The following ADAM22 variants were observed in gnomAD, a reference collection of about 807,000 sequenced individuals.
ADAM22 encodes the protein disintegrin and metalloproteinase domain-containing protein 22.
In ADAM22, 65 loss-of-function variants were observed where a neutral mutation model predicts 144.6. The ratio of observed to expected loss-of-function variants is 0.45; its 90% CI spans 0.37 to 0.55. The LOEUF (loss-of-function observed/expected upper bound fraction) is 0.55. Among genes scored for constraint, ADAM22 ranks in the 20% least tolerant of loss-of-function variants. The pLI, the probability that ADAM22 is intolerant of heterozygous loss-of-function variation, is 0.00. For synonymous variants in ADAM22, 391 were observed against 412.6 expected, an observed-to-expected ratio of 0.95 and a Z score of 0.63; for missense variants, 974 against 1,184.9, an observed-to-expected ratio of 0.82 and a Z score of 2.61.
At chr7:88,147,664 G>A (rs1586190297) in intron 17 of ADAM22, among the ~76,000 whole-genome samples, 2 of 152,170 alleles carry the variant, frequency 1.3e-5, no homozygotes, top group East Asian at 1.9e-4. Context: ...GTATTTATTG[G>A]CAAGGATTTT....
chr7:88,190,159 C>T (rs909197779), intron 30 of ADAM22, among the ~76,000 whole-genome samples: 1 of 152,164 alleles, frequency 6.6e-6, no homozygotes, highest in Non-Finnish European at 1.5e-5. Context: ...CCCCAAGAGG[C>T]ACCACAATCC....
At chr7:87,996,483 A>G (rs1341039501) in intron 3 of ADAM22, among the ~76,000 whole-genome samples, 1 of 152,156 alleles carries the variant, frequency 6.6e-6, no homozygotes, top group African/African-American at 2.4e-5. Context: ...ATCTACTCTC[A>G]TGACCTAATC....
At chr7:88,063,220 G>T (rs1289168115) in intron 3 of ADAM22, among the ~76,000 whole-genome samples, 1 of 152,036 alleles carries the variant, frequency 6.6e-6, no homozygotes, top group Non-Finnish European at 1.5e-5. Flanking sequence ...ATAAAACAAG[G>T]TATGCCTGTA....
At chr7:87,944,332 G>A (rs12019361) in intron 2 of ADAM22, among the ~76,000 whole-genome samples, 11,245 of 152,014 alleles carry the variant, frequency 0.074, 480 homozygotes, top group African/African-American at 0.099. Context: ...TTTTTTCTCT[G>A]TGTGGTTTTC....
intron 6 of ADAM22, among the ~76,000 whole-genome samples, chr7:88,115,189 C>T (rs2129489892): frequency 6.6e-6 from 1 of 152,290 alleles, no homozygotes; most frequent in African/African-American, 2.4e-5. Context: ...GCGCTCCAGC[C>T]TGGGTGACAG....
At chr7:88,181,322 A>G (rs1044150518) in intron 27 of ADAM22, among the ~76,000 whole-genome samples, 183 bp from the exon 28 acceptor site, 2 of 152,046 alleles carry the variant, frequency 1.3e-5, no homozygotes, top group Non-Finnish European at 2.9e-5. Flanking sequence ...CTTAAATTGG[A>G]TGTTGTGTAA....
intron 2 of ADAM22, among the ~76,000 whole-genome samples, chr7:87,949,703 T>A (rs1844567463): frequency 6.6e-6 from 1 of 152,004 alleles, no homozygotes; most frequent in Non-Finnish European, 1.5e-5. Context: ...CCTTTTTTTT[T>A]TCCTATAGCT....
intron 4 of ADAM22, among the ~76,000 whole-genome samples, chr7:88,079,403 T>C (rs1815771877): frequency 6.6e-6 from 1 of 152,116 alleles, no homozygotes; most frequent in South Asian, 2.1e-4. Context: ...TGCCAAATTG[T>C]AAAGACCATC....
chr7:88,048,604 G>T (rs1464805393), intron 3 of ADAM22, among the ~76,000 whole-genome samples: 1 of 151,942 alleles, frequency 6.6e-6, no homozygotes, highest in African/African-American at 2.4e-5. Flanking sequence ...CCATTTGTAG[G>T]CATTTTATGA....
At chr7:88,075,142 G>C (rs574908082) in intron 3 of ADAM22, among the ~76,000 whole-genome samples, 4 of 152,148 alleles carry the variant, frequency 2.6e-5, no homozygotes, top group African/African-American at 7.2e-5. Flanking sequence ...TTCAAATGTT[G>C]ATGGTATATA....
chr7:87,974,296 T>C (rs1339912932), intron 2 of ADAM22, among the ~76,000 whole-genome samples: 12 of 124,048 alleles, frequency 9.7e-5, no homozygotes, highest in Admixed American at 8.8e-4. Flanking sequence ...AGAGCGAGAC[T>C]CTGTCTCAAA....
At chr7:87,994,662 A>T (rs939550494) in intron 3 of ADAM22, among the ~76,000 whole-genome samples, 3 of 151,844 alleles carry the variant, frequency 2.0e-5, no homozygotes, top group Non-Finnish European at 4.4e-5. Context: ...AGCTCAGATT[A>T]TAACAGACAA....
At chr7:88,185,015 A>AT (rs1395166268) in intron 29 of ADAM22, among the ~76,000 whole-genome samples, 1 of 152,204 alleles carries the variant, frequency 6.6e-6, no homozygotes, top group East Asian at 1.9e-4. Context: ...TCACCTGATT[A>AT]TAGCTGCATG....
At chr7:88,136,374 A>G (rs947253756) in intron 14 of ADAM22, among the ~76,000 whole-genome samples, 12 of 152,292 alleles carry the variant, frequency 7.9e-5, no homozygotes, top group African/African-American at 2.9e-4. Flanking sequence ...CTTGAAAACA[A>G]AAATTAGAAA....
intron 4 of ADAM22, among the ~76,000 whole-genome samples, chr7:88,103,941 A>T (rs147486681): frequency 2.5e-3 from 378 of 152,274 alleles, no homozygotes; most frequent in African/African-American, 8.7e-3. Context: ...TAAGTGCAAA[A>T]AATACAATTA....
rs1286881044 is a variant in ADAM22 at position 88,155,948 on chromosome 7, C to G, written c.1849C>G (p.Leu617Val). Reference protein sequence around the residue: ...NIGNIPRLGELDGEITSTLVV... With the variant: ...NIGNIPRLGEVDGEITSTLVV... ...TGGCAATATCCCAAGGCTTGGAGAA[C>G]TCGATGGTGAAATCACATCTACTTT... The change falls in exon 22 of 32, where the codon CTC (leucine) becomes GTC (valine). Residue 617 changes from leucine to valine, a missense_variant. This residue lies in a region of ADAM22 where 734 missense variants were observed against 950.6 expected (regional missense o/e 0.77). Coordinates refer to ENST00000413139, the MANE Select transcript of ADAM22 (RefSeq NM_001324418.2). 6.2e-7 allele frequency: 1 copy of G among 1,613,322 alleles called. No individual in the cohort carries two copies. The highest frequency in any genetic ancestry group is 8.5e-7 in the Non-Finnish European group (1 of 1,179,538).
chr7:88,160,014 C>T (rs969387672), intron 22 of ADAM22, among the ~76,000 whole-genome samples: 10 of 152,124 alleles, frequency 6.6e-5, no homozygotes, highest in Admixed American at 2.6e-4. Context: ...CCCATAGTCT[C>T]GACCTAAAAG....
intron 2 of ADAM22, 124 bp downstream of exon 2, chr7:87,935,310 G>A (rs1840976748): frequency 1.8e-6 from 2 of 1,121,878 alleles, no homozygotes; most frequent in Admixed American, 2.9e-5. Context: ...GTCCCGATGC[G>A]AGTCATGCAT....
At chr7:88,010,012 T>C (rs766098661) in intron 3 of ADAM22, among the ~76,000 whole-genome samples, 4 of 148,124 alleles carry the variant, frequency 2.7e-5, no homozygotes, top group Non-Finnish European at 6.0e-5. Context: ...TCCAACCCGT[T>C]ATGGTTGAAT....
Sources: allele counts gnomAD v4.1 joint callset (sites outside exome capture counted in the v4.1 genomes callset), GRCh38; gene constraint gnomAD v4.1.1; regional missense constraint gnomAD v4.1.1; transcripts MANE v1.5; gene names NCBI Gene and HGNC (gene_info 2026-07-23, HGNC 2026-07-21).